IL33: variants seen among roughly 807,000 people sequenced by gnomAD.
The protein encoded by IL33 is interleukin-33.
Under a neutral mutation model 27.3 loss-of-function variants are expected in IL33, and 37 were observed. That is an observed-to-expected ratio of 1.36 (90% CI 1.04 to 1.78). The LOEUF (loss-of-function observed/expected upper bound fraction) is 1.78, where lower values mean the gene tolerates loss of function less well. IL33 is among the 40% of genes most tolerant of loss of function. The pLI, the probability that IL33 is intolerant of heterozygous loss-of-function variation, is 0.00. For synonymous variants in IL33, 132 were observed against 102.9 expected (o/e 1.28, Z -1.71); for missense variants, 406 against 311.4 (o/e 1.30, Z -2.29).
chr9:6,247,201 G>A (rs1819909346), intron 2 of IL33, among the ~76,000 whole-genome samples: 1 of 152,100 alleles, frequency 6.6e-6, no homozygotes, highest in Admixed American at 6.6e-5. Flanking sequence ...AAACCCTGAG[G>A]AAAACCAACA....
chr9:6,256,036 T>C lies in IL33; in HGVS notation c.681T>C (p.Cys227=). ...TCCTTCATAATATGCACTCCAACTG[T>C]GTTTCATTTGAATGCAAGACTGATC... ...FFVLHNMHSN[C]VSFECKTDPG... The change falls in exon 8 of 8, where the codon TGT becomes TGC. Residue 227 remains cysteine (C), a synonymous_variant. Coordinates refer to ENST00000682010, the MANE Select transcript of IL33 (RefSeq NM_033439.4). The C allele has an allele frequency of 6.2e-7, 1 of 1,613,676 alleles. No individual in the cohort carries two copies. The highest frequency in any genetic ancestry group is 2.2e-5 in the East Asian group (1 of 44,870).
intron 1 of IL33, among the ~76,000 whole-genome samples, chr9:6,219,701 C>T (rs1394358131): frequency 2.0e-5 from 3 of 152,036 alleles, no homozygotes; most frequent in African/African-American, 7.2e-5. Flanking sequence ...ATGGGTAAAA[C>T]AAGTTAGAAG....
At chr9:6,235,303 C>G (rs1256164885) in intron 1 of IL33, among the ~76,000 whole-genome samples, 1 of 152,154 alleles carries the variant, frequency 6.6e-6, no homozygotes, top group Non-Finnish European at 1.5e-5. Context: ...CTTAGGCCTC[C>G]CAATGCACTG....
chr9:6,223,272 A>G (rs1818487012), intron 1 of IL33, among the ~76,000 whole-genome samples: 1 of 152,132 alleles, frequency 6.6e-6, no homozygotes, highest in Non-Finnish European at 1.5e-5. Flanking sequence ...TTTATAGACA[A>G]ATTTATAAAC....
intron 1 of IL33, among the ~76,000 whole-genome samples, chr9:6,216,347 A>C (rs1202363701): frequency 1.3e-5 from 2 of 152,160 alleles, no homozygotes; most frequent in African/African-American, 2.4e-5. Context: ...GCCAGGCTGG[A>C]AACTTTATAA....
intron 1 of IL33, among the ~76,000 whole-genome samples, chr9:6,235,600 A>G (rs1819156334): frequency 6.6e-6 from 1 of 152,324 alleles, no homozygotes; most frequent in Non-Finnish European, 1.5e-5. Flanking sequence ...GACACAGGGG[A>G]AAAAGTTGTA....
chr9:6,248,883 A>C (rs1294032239), intron 2 of IL33, among the ~76,000 whole-genome samples: 1 of 152,068 alleles, frequency 6.6e-6, no homozygotes, highest in Non-Finnish European at 1.5e-5. Flanking sequence ...CTGGCCAACA[A>C]ATTTCTTTGC....
intron 1 of IL33, among the ~76,000 whole-genome samples, chr9:6,216,190 G>A (rs965030790): frequency 1.2e-4 from 18 of 152,096 alleles, no homozygotes; most frequent in African/African-American, 4.3e-4. Flanking sequence ...GAGCACAGTG[G>A]CGTGATCCTA....
chr9:6,223,900 C>A (rs1818516665), intron 1 of IL33, among the ~76,000 whole-genome samples: 1 of 152,124 alleles, frequency 6.6e-6, no homozygotes, highest in African/African-American at 2.4e-5. Flanking sequence ...CTACCATCCT[C>A]AGAGCATCTA....
chr9:6,224,885 A>ATT (rs888565477), intron 1 of IL33, among the ~76,000 whole-genome samples: 1 of 147,530 alleles, frequency 6.8e-6, no homozygotes, highest in Non-Finnish European at 1.5e-5. Flanking sequence ...GGCAGAATAG[A>ATT]TTTTTTTTTT....
In IL33 at chr9:6,256,366, T is replaced by C; in HGVS notation, c.*198T>C. On this transcript the variant is annotated 3_prime_UTR_variant, in exon 8 of 8. Coordinates refer to ENST00000682010, the MANE Select transcript of IL33 (RefSeq NM_033439.4). ...TTTTATTTCCCTCTGTATAACTGCA[T>C]CTTCAATACAAGTATCAGTATATTA... The C allele has an allele frequency of 1.8e-6, 1 of 567,178 alleles. No homozygotes were observed. The highest frequency in any genetic ancestry group is 2.6e-5 in the South Asian group (1 of 38,732). 35.1% of individuals were successfully genotyped at this position (567,178 alleles called of 1,614,324 possible). A position where few individuals can be genotyped will look rare whatever the true frequency, so the allele number is the denominator to read the frequency against.
intron 2 of IL33, among the ~76,000 whole-genome samples, chr9:6,245,199 G>A (rs1171648397): frequency 6.6e-6 from 1 of 152,110 alleles, no homozygotes; most frequent in Non-Finnish European, 1.5e-5. Flanking sequence ...CATCCAGCAG[G>A]AGTATTTTAT....
chr9:6,227,986 C>T lies in IL33; in HGVS notation c.-12+12134C>T, dbSNP rs552680712. On this transcript the variant is annotated intron_variant, in intron 1 of 7. Coordinates refer to ENST00000682010, the MANE Select transcript of IL33 (RefSeq NM_033439.4). ...TTCGCTTAGGGTTTCAGCTATGAGG[C>T]CTTGGGCATTTACTTGATCCCTCTG... 1.6e-4 allele frequency among the ~76,000 whole-genome samples: 25 copies of T among 152,194 alleles called. No homozygotes were observed. In the South Asian group the frequency reaches 4.6e-3, roughly 28 times the overall value.
At chr9:6,238,312 A>C (rs1407473878) in intron 1 of IL33, among the ~76,000 whole-genome samples, 3 of 152,196 alleles carry the variant, frequency 2.0e-5, no homozygotes, top group African/African-American at 7.2e-5. Flanking sequence ...AGCATTCTTG[A>C]CCAAAAAAGG....
intron 1 of IL33, among the ~76,000 whole-genome samples, chr9:6,216,114 T>A (rs754095735): frequency 2.7e-5 from 4 of 150,534 alleles, no homozygotes; most frequent in Non-Finnish European, 4.4e-5. Flanking sequence ...GCCCCCTCCA[T>A]GAAACTTTAT....
intron 5 of IL33, 49 bp from the exon 6 acceptor site, chr9:6,253,503 C>A: frequency 7.2e-7 from 1 of 1,388,706 alleles, no homozygotes. Flanking sequence ...GAACTGAAAA[C>A]TTAACAAAAT....
At chr9:6,255,411 GAGCTCTATTATAT>G in intron 7 of IL33, among the ~76,000 whole-genome samples, 1 of 151,940 alleles carries the variant, frequency 6.6e-6, no homozygotes, top group African/African-American at 2.4e-5. Flanking sequence ...TACTTAGACT[GAGCTCTATTATAT>G]AGCAAGCACT....
rs186620727 is a variant in IL33, at chr9:6,223,720, T to G, written c.-12+7868T>G. ...TTACATGAAAAATAAAGATAATTTATATCACTTGATATACTTTTAGCTGCA... is the reference window on the plus strand; with the variant it reads ...TTACATGAAAAATAAAGATAATTTAGATCACTTGATATACTTTTAGCTGCA... On this transcript the variant is annotated intron_variant, in intron 1 of 7. Transcript: ENST00000682010. Among the ~76,000 whole-genome samples, 23 of 152,342 alleles carry G rather than the reference T, an allele frequency of 1.5e-4. No individual in the cohort carries two copies. In the East Asian group the frequency reaches 4.4e-3, roughly 29 times the overall value.
intron 1 of IL33, among the ~76,000 whole-genome samples, chr9:6,237,694 T>C (rs768290068): frequency 6.6e-6 from 1 of 152,232 alleles, no homozygotes; most frequent in African/African-American, 2.4e-5. Flanking sequence ...AGAGATAGAA[T>C]GTAGATTGGA....
Sources: allele counts gnomAD v4.1 joint callset (sites outside exome capture counted in the v4.1 genomes callset), GRCh38; gene constraint gnomAD v4.1.1; transcripts MANE v1.5; gene names NCBI Gene and HGNC (gene_info 2026-07-23, HGNC 2026-07-21).